Variants in POU2F2 observed in about 807,000 individuals in gnomAD.
POU2F2 encodes the protein POU domain, class 2, transcription factor 2.
POU2F2 carries 14 observed loss-of-function variants against 63.5 expected under a neutral mutation model. The ratio of observed to expected loss-of-function variants is 0.22; its 90% CI spans 0.15 to 0.34. The LOEUF is 0.34. POU2F2 is among the 10% of genes least tolerant of loss of function. The pLI, the probability that POU2F2 is intolerant of heterozygous loss-of-function variation, is 1.00. For missense variants in POU2F2, 607 were observed against 815.2 expected, an observed-to-expected ratio of 0.74 and a Z score of 3.11; for synonymous variants, 306 against 348.6, an observed-to-expected ratio of 0.88 and a Z score of 1.36.
At chr19:42,151,712 C>T (rs1568415457) in intron 2 of POU2F2, among the ~76,000 whole-genome samples, 1 of 152,122 alleles carries the variant, frequency 6.6e-6, no homozygotes. Flanking sequence ...TCTCTTCCTA[C>T]TAAGGGAAGA....
rs764195561 is a variant in POU2F2 at position 42,092,128 on chromosome 19, G to T, written c.1407C>A (p.Asn469Lys). 6 of 1,558,918 alleles carry T rather than the reference G, an allele frequency of 3.8e-6. No individual in the cohort carries two copies. In the Admixed American group the frequency reaches 9.1e-5, roughly 24 times the overall value. ...CCGAGTGGCTGCCTTGAGGGCTGGG[G>T]TTTGTGCTGTTGGTGGTGGCCGGGG... ...PPPPATTNST[N>K]PSPQGSHSAI... is the part of the protein sequence containing the mutation. The change falls in exon 13 of 15, where the codon AAC becomes AAA. Residue 469 changes from asparagine to lysine, a missense_variant. Asn to Lys is a moderately conservative substitution (Grantham distance 94). Coordinates refer to ENST00000692977, the MANE Select transcript of POU2F2 (RefSeq NM_001394376.1). This position sits in a 1 kb window ranked among gnomAD's most constrained non-coding sequence, Gnocchi z 5.0.
rs1271797431 is a variant in POU2F2 at position 42,093,840 on chromosome 19, A to T, written c.1253T>A (p.Leu418Gln). The change falls in exon 12 of 15, where the codon CTG becomes CAG. Residue 418 changes from leucine (L) to glutamine (Q), a missense_variant. Physicochemically the swap from Leu to Gln is moderately radical, Grantham distance 113. Transcript: ENST00000692977. ...CTGCCCTCCCTGACCTGTTGTGCTC[A>T]GACTGCTGGAAGCTTGGGACAACGG... Reference protein sequence around the residue: ...TLPLSQASSSLSTTVTTLSSA... With the variant: ...TLPLSQASSSQSTTVTTLSSA... The T allele has an allele frequency of 6.2e-7, 1 of 1,611,646 alleles. No individual in the cohort carries two copies. The highest frequency in any genetic ancestry group is 1.3e-5 in the African/African-American group (1 of 75,020).
chr19:42,191,899 G>T (rs1221010657), intron 1 of POU2F2, among the ~76,000 whole-genome samples: 1 of 152,178 alleles, frequency 6.6e-6, no homozygotes, highest in Admixed American at 6.5e-5. Context: ...TGTCACCCAG[G>T]CAAGTGACTT....
intron 1 of POU2F2, among the ~76,000 whole-genome samples, chr19:42,173,732 A>G (rs1160971647): frequency 6.6e-6 from 1 of 152,038 alleles, no homozygotes; most frequent in Non-Finnish European, 1.5e-5. Context: ...AGACTAGCAG[A>G]GGGAAGTGAG....
At position 42,169,745 on chromosome 19, in the gene POU2F2, CGT is replaced by C. The variant is rs886436692; in HGVS notation, c.-70+6216_-70+6217del. ...AGTTTGGCGAATGAGTGCGCGCACACGTGTGTGTGTGCGTGTGTGTGTGTGTC... is the reference window on the plus strand; with the variant it reads ...AGTTTGGCGAATGAGTGCGCGCACACGTGTGTGTGCGTGTGTGTGTGTGTC... On this transcript the variant is annotated intron_variant, in intron 1 of 6. Transcript: ENST00000524801. This position sits in a 1 kb window ranked among gnomAD's most constrained non-coding sequence, Gnocchi z 4.3. Among the ~76,000 whole-genome samples the C allele has an allele frequency of 3.3e-5, 5 of 151,986 alleles. No homozygotes were observed. The highest frequency in any genetic ancestry group is 1.2e-4 in the African/African-American group (5 of 41,352).
intron 5 of POU2F2, among the ~76,000 whole-genome samples, chr19:42,101,547 G>C (rs1365434738): frequency 6.6e-6 from 1 of 152,202 alleles, no homozygotes; most frequent in Non-Finnish European, 1.5e-5. Flanking sequence ...AGAAGGGACA[G>C]ATCCTTCCCT....
In POU2F2 at chr19:42,162,236, T is replaced by A. The variant is rs1452111846; in HGVS notation, c.-69-1844A>T. The stretch of plus-strand genomic sequence containing the variant: ...GCTGTGGTGCCCATAGGCAGCACCA[T>A]CCCTGGCATATCTGCTTCCAACTCT... On this transcript the variant is annotated intron_variant, in intron 1 of 6. Coordinates refer to the POU2F2 transcript ENST00000524801. The surrounding 1 kb of genome is among the most constrained non-coding windows in gnomAD (Gnocchi z 4.1). 1.3e-5 allele frequency among the ~76,000 whole-genome samples: 2 copies of A among 152,096 alleles called. No homozygotes were observed. The highest frequency in any genetic ancestry group is 2.4e-5 in the African/African-American group (1 of 41,398).
intron 1 of POU2F2, among the ~76,000 whole-genome samples, chr19:42,125,286 C>T (rs1179295062): frequency 6.7e-6 from 1 of 149,324 alleles, no homozygotes; most frequent in East Asian, 2.0e-4. Flanking sequence ...CGCTCGAGCC[C>T]AGGAGATTGA....
chr19:42,094,898 G>A (rs1380578438), intron 11 of POU2F2, among the ~76,000 whole-genome samples: 1 of 152,170 alleles, frequency 6.6e-6, no homozygotes, highest in Admixed American at 6.5e-5. Flanking sequence ...GTATAGCTGT[G>A]GACCTGAGAG....
upstream of POU2F2, among the ~76,000 whole-genome samples, chr19:42,196,842 A>G (rs1355640951): frequency 6.6e-6 from 1 of 152,270 alleles, no homozygotes; most frequent in African/African-American, 2.4e-5. Flanking sequence ...TTCAGCCTCA[A>G]GGTTGGCCCT....
chr19:42,187,392 A>C (rs1035392568), intron 1 of POU2F2, among the ~76,000 whole-genome samples: 3 of 146,994 alleles, frequency 2.0e-5, no homozygotes, highest in Non-Finnish European at 4.5e-5. Context: ...AATCACTTGA[A>C]CCCAGGAGGT....
intron 1 of POU2F2, among the ~76,000 whole-genome samples, chr19:42,164,842 G>A (rs1167347707): frequency 6.6e-5 from 10 of 151,128 alleles, no homozygotes; most frequent in Non-Finnish European, 8.9e-5. Context: ...CATACCTACA[G>A]TCTCAGCTAC....
chr19:42,156,321 TG>T lies in POU2F2; in HGVS notation c.-9+4010del, dbSNP rs1166156602. 6.6e-6 allele frequency: 1 copy of T among 152,414 alleles called. No homozygotes were observed. Among genetic ancestry groups the T allele is most frequent in the Non-Finnish European group, 1.5e-5 (1 of 68,032 alleles). The allele number at this position is 152,414 out of a possible 1,614,324, so 9.4% of individuals were successfully genotyped here. ...CTGACAAATATTCCCAGTCCACAGC[TG>T]TCTCCACCCACCCAGTGACAGAGCA... On this transcript the variant is annotated intron_variant, in intron 2 of 6. Coordinates refer to the POU2F2 transcript ENST00000524801. The surrounding 1 kb of genome is among the most constrained non-coding windows in gnomAD (Gnocchi z 4.1).
intron 1 of POU2F2, among the ~76,000 whole-genome samples, chr19:42,191,001 A>G (rs2035069522): frequency 7.0e-6 from 1 of 142,248 alleles, no homozygotes; most frequent in Non-Finnish European, 1.5e-5. Context: ...CAAGAGGTGG[A>G]GGTTGTGGTG....
At chr19:42,104,136 C>T (rs987855904) in intron 5 of POU2F2, among the ~76,000 whole-genome samples, 3 of 152,076 alleles carry the variant, frequency 2.0e-5, no homozygotes, top group African/African-American at 4.8e-5. Context: ...CAGATTCACT[C>T]GCAATAAGAT....
upstream of POU2F2, among the ~76,000 whole-genome samples, chr19:42,177,692 G>A (rs890185318): frequency 6.7e-6 from 1 of 150,036 alleles, no homozygotes; most frequent in Non-Finnish European, 1.5e-5. Flanking sequence ...AGAGACACAC[G>A]GACACACAGT....
intron 4 of POU2F2, among the ~76,000 whole-genome samples, chr19:42,120,069 C>T (rs1471784493): frequency 6.6e-6 from 1 of 152,002 alleles, no homozygotes; most frequent in African/African-American, 2.4e-5. Context: ...GGCATGCACA[C>T]CCAGCTAATT....
intron 7 of POU2F2, 49 bp downstream of exon 7, chr19:42,099,478 G>A: frequency 1.3e-6 from 2 of 1,492,018 alleles, no homozygotes; most frequent in Non-Finnish European, 1.9e-6. Context: ...CCAGCTTTCA[G>A]CAGGCCTTGC....
chr19:42,116,939 C>G, intron 5 of POU2F2: 1 of 568,478 alleles, frequency 1.8e-6, no homozygotes, highest in South Asian at 1.5e-5. Context: ...TGCACGGCGG[C>G]GGCCAGGAGC....
Sources: allele counts gnomAD v4.1 joint callset (sites outside exome capture counted in the v4.1 genomes callset), GRCh38; gene constraint gnomAD v4.1.1; non-coding constraint Gnocchi (gnomAD v3.1); transcripts MANE v1.5; gene names NCBI Gene and HGNC (gene_info 2026-07-23, HGNC 2026-07-21).